Variants in PPP1CB observed in about 807,000 individuals in gnomAD.
The protein encoded by PPP1CB is protein phosphatase 1 catalytic subunit beta.
A neutral mutation model predicts 43.7 loss-of-function variants in PPP1CB; 2 were observed. The observed-to-expected ratio is 0.05, with a 90% CI of 0.02 to 0.14. The LOEUF (loss-of-function observed/expected upper bound fraction) is 0.14, where lower values mean the gene tolerates loss of function less well. PPP1CB is among the 10% of genes least tolerant of loss of function. The pLI is 1.00. For synonymous variants in PPP1CB, 136 were observed against 135.6 expected, an observed-to-expected ratio of 1.00 and a Z score of -0.02; for missense variants, 84 against 398.0, an observed-to-expected ratio of 0.21 and a Z score of 6.71.
At position 28,776,867 on chromosome 2, in the gene PPP1CB, A is replaced by G; in HGVS notation, c.69A>G (p.Pro23=). The G allele has an allele frequency of 6.2e-7, 1 of 1,612,436 alleles. No homozygotes were observed. Residue 23 remains proline, a synonymous_variant, in exon 2 of 8, where the codon CCA becomes CCG. Transcript: ENST00000395366. ...GTTTGTCAGTACGAGGATGTCGTCCAGGAAAGATTGTGCAGATGACTGAAG... is the reference window on the plus strand; with the variant it reads ...GTTTGTCAGTACGAGGATGTCGTCCGGGAAAGATTGTGCAGATGACTGAAG... The part of the protein sequence containing the change: ...TRLLEVRGCR[P]GKIVQMTEAE...
At chr2:28,784,987 A>G (rs1229057896) in intron 5 of PPP1CB, among the ~76,000 whole-genome samples, 2 of 149,452 alleles carry the variant, frequency 1.3e-5, no homozygotes, top group African/African-American at 4.9e-5. Flanking sequence ...CTACACATCA[A>G]CCATTATAAA....
At chr2:28,751,792 C>A, upstream of PPP1CB, 1 of 416,530 alleles carries the variant, frequency 2.4e-6, no homozygotes, top group Non-Finnish European at 4.4e-6. Context: ...GAGTGAGTGG[C>A]GCTGCGGGTG....
chr2:28,790,727 G>A (rs1375228343), intron 6 of PPP1CB, among the ~76,000 whole-genome samples: 2 of 152,188 alleles, frequency 1.3e-5, no homozygotes, highest in African/African-American at 4.8e-5. Flanking sequence ...ACTTGAGTGT[G>A]TAGAGGTAAA....
intron 1 of PPP1CB, among the ~76,000 whole-genome samples, chr2:28,753,370 T>A (rs908961567): frequency 3.3e-5 from 5 of 152,222 alleles, no homozygotes; most frequent in African/African-American, 1.2e-4. Flanking sequence ...TCAAAGTATG[T>A]GTCGGTATCT....
rs115516334 is a variant in PPP1CB, at chr2:28,761,694, G to A, written c.52+9518G>A. Among the ~76,000 whole-genome samples the A allele has an allele frequency of 1.9e-3, 291 of 152,292 alleles. 2 individuals are homozygous for A. Among genetic ancestry groups the A allele is most frequent in the Non-Finnish European group, 3.4e-3 (232 of 68,018 alleles). ...AACCACTATTCTTGTATGTAAGTAC[G>A]TATAACAGTTTCTTTACTATTCCCA... is the stretch of plus-strand genomic sequence containing the variant. On this transcript the variant is annotated intron_variant, in intron 1 of 7. Transcript: ENST00000395366.
intron 1 of PPP1CB, among the ~76,000 whole-genome samples, chr2:28,755,014 C>CT (rs1186996050): frequency 1.3e-5 from 2 of 151,744 alleles, no homozygotes; most frequent in Admixed American, 1.3e-4. Flanking sequence ...TTTTGTTTTT[C>CT]TTTTTTAGGT....
At chr2:28,764,659 G>T (rs1666742019) in intron 1 of PPP1CB, among the ~76,000 whole-genome samples, 1 of 151,916 alleles carries the variant, frequency 6.6e-6, no homozygotes, top group Non-Finnish European at 1.5e-5. Context: ...GAATACCAGT[G>T]GTCAGTGAAG....
At chr2:28,766,486 T>A (rs1032646197) in intron 1 of PPP1CB, among the ~76,000 whole-genome samples, 3 of 152,214 alleles carry the variant, frequency 2.0e-5, no homozygotes, top group African/African-American at 7.2e-5. Flanking sequence ...TTTACCATCA[T>A]CAGTTGTGAC....
rs1484403838 is a variant in PPP1CB, at chr2:28,781,817, T to C, written c.495T>C (p.Asp165=). Reference sequence around the variant, plus strand: ...GTCTGCCTATAGCAGCCATTGTGGATGAGAAGATCTTCTGTTGTCATGGAG... The same window carrying C: ...GTCTGCCTATAGCAGCCATTGTGGACGAGAAGATCTTCTGTTGTCATGGAG... The part of the protein sequence containing the change: ...FNCLPIAAIV[D]EKIFCCHGGL... The change falls in exon 4 of 8, where the codon GAT becomes GAC. Residue 165 remains aspartate, a synonymous_variant. Transcript: ENST00000395366. 6.2e-7 allele frequency: 1 copy of C among 1,612,502 alleles called. No homozygotes were observed. The highest frequency in any genetic ancestry group is 1.1e-5 in the South Asian group (1 of 90,904).
intron 5 of PPP1CB, among the ~76,000 whole-genome samples, chr2:28,788,021 G>GT (rs200559931): frequency 6.9e-4 from 103 of 149,524 alleles, no homozygotes; most frequent in African/African-American, 2.2e-3. Flanking sequence ...AGTAGAAAAT[G>GT]TTTTTTTTTC....
At chr2:28,767,382 A>G (rs951519018) in intron 1 of PPP1CB, among the ~76,000 whole-genome samples, 3 of 152,202 alleles carry the variant, frequency 2.0e-5, no homozygotes, top group African/African-American at 7.2e-5. Context: ...GCACAGCTAC[A>G]TAATGACTAC....
chr2:28,796,991 G>C (rs866984888), intron 7 of PPP1CB, among the ~76,000 whole-genome samples: 1 of 152,098 alleles, frequency 6.6e-6, no homozygotes, highest in Admixed American at 6.6e-5. Context: ...TAACATGAAA[G>C]GGTGTTGAAT....
chr2:28,764,756 C>CTA (rs1006284121), intron 1 of PPP1CB, among the ~76,000 whole-genome samples: 1 of 151,822 alleles, frequency 6.6e-6, no homozygotes, highest in African/African-American at 2.4e-5. Context: ...CCCGTCTCTA[C>CTA]TAAAAATACA....
intron 1 of PPP1CB, among the ~76,000 whole-genome samples, chr2:28,768,411 A>G (rs960260060): frequency 6.6e-6 from 1 of 152,222 alleles, no homozygotes; most frequent in Non-Finnish European, 1.5e-5. Flanking sequence ...CTCTAAAGTC[A>G]TTGACTGACT....
chr2:28,754,534 C>T (rs919119397), intron 1 of PPP1CB, among the ~76,000 whole-genome samples: 1 of 152,180 alleles, frequency 6.6e-6, no homozygotes, highest in African/African-American at 2.4e-5. Context: ...GTCCTATGTT[C>T]AGCACACATT....
intron 1 of PPP1CB, among the ~76,000 whole-genome samples, chr2:28,771,975 C>CA (rs145379596): frequency 0.16 from 20,993 of 134,684 alleles, 2,017 homozygotes; most frequent in African/African-American, 0.3. Context: ...CGAACTTGTC[C>CA]AAAAAAAAAA....
rs1301576269 is a variant in PPP1CB at position 28,801,077 on chromosome 2, C to T, written c.*1774C>T. 6.6e-6 allele frequency: 1 copy of T among 152,068 alleles called. No individual in the cohort carries two copies. The highest frequency in any genetic ancestry group is 1.5e-5 in the Non-Finnish European group (1 of 67,856). 9.4% of individuals were successfully genotyped at this position (152,068 alleles called of 1,614,324 possible). On this transcript the variant is annotated 3_prime_UTR_variant, in exon 8 of 8. Transcript: ENST00000395366. Reference sequence around the variant, plus strand: ...GATTTTTTTTTTCCTTACAGTGAGACATTTAAGCACACATTTTATTCACAT... The same window carrying T: ...GATTTTTTTTTTCCTTACAGTGAGATATTTAAGCACACATTTTATTCACAT...
intron 1 of PPP1CB, among the ~76,000 whole-genome samples, chr2:28,760,275 A>G (rs888618850): frequency 2.2e-4 from 34 of 152,256 alleles, no homozygotes; most frequent in African/African-American, 7.5e-4. Context: ...AAAATTCAAA[A>G]TGTTTAAAAA....
chr2:28,794,687 C>T (rs905504663), intron 7 of PPP1CB, among the ~76,000 whole-genome samples: 3 of 151,236 alleles, frequency 2.0e-5, no homozygotes, highest in Non-Finnish European at 4.4e-5. Context: ...CGAGACTTGG[C>T]CCCCAAAAAA....
Sources: allele counts gnomAD v4.1 joint callset (sites outside exome capture counted in the v4.1 genomes callset), GRCh38; gene constraint gnomAD v4.1.1; transcripts MANE v1.5; gene names NCBI Gene and HGNC (gene_info 2026-07-23, HGNC 2026-07-21).